The following MSRA variants were observed in gnomAD, a reference collection of about 807,000 sequenced individuals.
MSRA encodes methionine sulfoxide reductase A.
In MSRA, 54 loss-of-function variants were observed where a neutral mutation model predicts 31.3. That is an observed-to-expected ratio of 1.73 (90% CI 1.39 to 2.17). MSRA has a LOEUF of 2.17. Ranked by LOEUF, MSRA falls within the 30% of genes most tolerant of loss-of-function variation. The pLI, the probability that MSRA is intolerant of heterozygous loss-of-function variation, is 0.00. For synonymous variants in MSRA, 169 were observed against 116.5 expected (o/e 1.45, Z -2.90); for missense variants, 507 against 300.9 (o/e 1.69, Z -5.07).
chr8:10,384,102 G>A (rs1400751698), intron 5 of MSRA, among the ~76,000 whole-genome samples: 3 of 152,170 alleles, frequency 2.0e-5, no homozygotes, highest in Non-Finnish European at 4.4e-5. Flanking sequence ...TTTCAGGCCA[G>A]CTATGTGCCC....
rs188669464 is a variant in MSRA at position 10,388,159 on chromosome 8, C to T, written c.544-39989C>T. ...AGGGATAAGTAATTCAAAGAGGTGG[C>T]TGGAATTTGGGCTTCAATACCCTCT... On this transcript the variant is annotated intron_variant, in intron 5 of 5. Coordinates refer to ENST00000317173, the MANE Select transcript of MSRA (RefSeq NM_012331.5). 3.6e-4 allele frequency among the ~76,000 whole-genome samples: 55 copies of T among 152,218 alleles called. 1 individual carries two copies. Among genetic ancestry groups the T allele is most frequent in the Admixed American group, 3.1e-3 (48 of 15,290 alleles).
intron 5 of MSRA, among the ~76,000 whole-genome samples, chr8:10,404,191 C>G (rs1807647984): frequency 1.3e-5 from 2 of 152,158 alleles, no homozygotes; most frequent in Admixed American, 1.3e-4. Flanking sequence ...CTCATTTCCC[C>G]ACAATGCCGG....
intron 5 of MSRA, among the ~76,000 whole-genome samples, chr8:10,378,699 C>T (rs1805887498): frequency 6.6e-6 from 1 of 152,214 alleles, no homozygotes; most frequent in Admixed American, 6.5e-5. Context: ...CCATTGGCAC[C>T]ACCTGGGAAC....
chr8:10,372,286 A>G (rs746539957), intron 5 of MSRA, among the ~76,000 whole-genome samples: 1 of 152,186 alleles, frequency 6.6e-6, no homozygotes, highest in Admixed American at 6.5e-5. Context: ...AACTATAACA[A>G]TCACAGGCCT....
intron 3 of MSRA, among the ~76,000 whole-genome samples, chr8:10,289,944 G>T (rs993290683): frequency 2.0e-5 from 3 of 152,188 alleles, no homozygotes; most frequent in African/African-American, 7.2e-5. Flanking sequence ...ATTACCACTG[G>T]TAAGTTCCCA....
At chr8:10,100,129 C>A (rs958463822) in intron 1 of MSRA, among the ~76,000 whole-genome samples, 14 of 152,172 alleles carry the variant, frequency 9.2e-5, no homozygotes, top group African/African-American at 3.1e-4. Context: ...CTGGGTTAGA[C>A]TGCAATATCA....
chr8:10,061,394 C>T (rs1030147490), intron 1 of MSRA, among the ~76,000 whole-genome samples: 1 of 152,154 alleles, frequency 6.6e-6, no homozygotes, highest in African/African-American at 2.4e-5. Context: ...TCCCCTTCTC[C>T]CGGAAACCCA....
Position 10,133,055 on chromosome 8 carries a change from G to A in MSRA, c.143-74778G>A, listed in dbSNP as rs529619428. Among the ~76,000 whole-genome samples the A allele has an allele frequency of 4.6e-5, 7 of 152,304 alleles. No individual in the cohort carries two copies. The East Asian group carries it at 1.4e-3, about 29-fold the overall frequency. ...CTAGAGTGCCTTTTAAAGGCCTACAGCCATCCAACTCTTAGGGAAGGGAGT... is the reference window on the plus strand; with the variant it reads ...CTAGAGTGCCTTTTAAAGGCCTACAACCATCCAACTCTTAGGGAAGGGAGT... On this transcript the variant is annotated intron_variant, in intron 1 of 5. Transcript: ENST00000317173.
chr8:10,154,678 G>C (rs1585047774), intron 1 of MSRA, among the ~76,000 whole-genome samples: 4 of 151,954 alleles, frequency 2.6e-5, no homozygotes, highest in Admixed American at 2.6e-4. Flanking sequence ...CGTCCAGCCA[G>C]GTTTGTGTTT....
At chr8:10,165,554 C>A (rs1285519414) in intron 1 of MSRA, among the ~76,000 whole-genome samples, 1 of 152,166 alleles carries the variant, frequency 6.6e-6, no homozygotes, top group East Asian at 1.9e-4. Context: ...CACGTTGGTA[C>A]CTGGGTCACC....
chr8:10,100,377 T>C (rs1799452696), intron 1 of MSRA, among the ~76,000 whole-genome samples: 2 of 152,128 alleles, frequency 1.3e-5, no homozygotes, highest in South Asian at 4.1e-4. Context: ...TGTGCCTTGA[T>C]CTGCTGCAGG....
chr8:10,156,978 T>C (rs1366489434), intron 1 of MSRA, among the ~76,000 whole-genome samples: 2 of 151,724 alleles, frequency 1.3e-5, no homozygotes, highest in African/African-American at 4.8e-5. Context: ...GTGCTTTTAT[T>C]TAAGTCTTCT....
intron 1 of MSRA, among the ~76,000 whole-genome samples, chr8:10,140,872 A>G (rs879543478): frequency 2.0e-5 from 3 of 152,116 alleles, no homozygotes; most frequent in Non-Finnish European, 4.4e-5. Flanking sequence ...GAAAGATCAC[A>G]GACACAGACA....
chr8:10,251,267 T>C (rs116087496), intron 3 of MSRA, among the ~76,000 whole-genome samples: 459 of 152,282 alleles, frequency 3.0e-3, no homozygotes, highest in African/African-American at 0.01. Flanking sequence ...CGCATGTCTA[T>C]GTATCTTACA....
Position 10,233,943 on chromosome 8 carries a change from T to C in MSRA, c.212-11161T>C, listed in dbSNP as rs535609185. Among the ~76,000 whole-genome samples the C allele has an allele frequency of 1.4e-4, 22 of 152,220 alleles. No homozygotes were observed. The South Asian group carries it at 2.3e-3, about 16-fold the overall frequency. ...TTAATAACTGTAGAAAGAAAAGACA[T>C]TGCCTACAAAGAAATGACCATCAGA... On this transcript the variant is annotated intron_variant, in intron 2 of 5. Coordinates refer to ENST00000317173, the MANE Select transcript of MSRA (RefSeq NM_012331.5).
chr8:10,384,400 G>C (rs1311571398), intron 5 of MSRA, among the ~76,000 whole-genome samples: 2 of 152,238 alleles, frequency 1.3e-5, no homozygotes, highest in African/African-American at 4.8e-5. Context: ...ATAAAGCCCT[G>C]ATGGTGGTCT....
chr8:10,317,604 C>T (rs1414269730), intron 4 of MSRA, among the ~76,000 whole-genome samples: 1 of 152,160 alleles, frequency 6.6e-6, no homozygotes, highest in Admixed American at 6.5e-5. Flanking sequence ...CCTCATTAAT[C>T]AGTTTATAGA....
intron 2 of MSRA, among the ~76,000 whole-genome samples, chr8:10,225,702 T>A (rs1272039650): frequency 6.6e-6 from 1 of 152,104 alleles, no homozygotes; most frequent in African/African-American, 2.4e-5. Context: ...CAGCTCTCGT[T>A]TTGATGTAGA....
intron 3 of MSRA, among the ~76,000 whole-genome samples, chr8:10,292,950 C>T (rs1306280994): frequency 1.3e-5 from 2 of 152,138 alleles, no homozygotes; most frequent in Admixed American, 1.3e-4. Flanking sequence ...CCAAGGGCTC[C>T]TGTAGGCCCC....
Sources: gnomAD v4.1 joint callset for allele counts (sites outside exome capture counted in the v4.1 genomes callset) on GRCh38, gnomAD v4.1.1 for gene constraint, MANE v1.5 for transcripts, NCBI Gene and HGNC (gene_info 2026-07-23, HGNC 2026-07-21) for gene names.